The following TMEM187 variants were observed in gnomAD, a reference collection of about 807,000 sequenced individuals.
The protein encoded by TMEM187 is transmembrane protein 187.
A neutral mutation model predicts 11.8 loss-of-function variants in TMEM187; 14 were observed. That is an observed-to-expected ratio of 1.18 (90% CI 0.78 to 1.85). The LOEUF is 1.85. Ranked by LOEUF, TMEM187 falls within the 40% of genes most tolerant of loss-of-function variation. The pLI is 0.00. For synonymous variants in TMEM187, 112 were observed against 118.5 expected (o/e 0.95, Z 0.36); for missense variants, 227 against 243.9 (o/e 0.93, Z 0.46).
chrX:153,982,122 C>A lies in TMEM187; in HGVS notation c.60C>A (p.Ala20=). 3 of 1,212,442 alleles carry A rather than the reference C, an allele frequency of 2.5e-6. No individual in the cohort carries two copies. Among genetic ancestry groups the A allele is most frequent in the East Asian group, 3.0e-5 (1 of 33,862 alleles). The part of the protein sequence containing the change: ...VHVAVAGGLC[A]VAVFTGIFDS... ...TGGCCGTGGCCGGTGGCCTCTGTGC[C>A]GTGGCTGTGTTCACGGGCATTTTCG... Residue 20 remains alanine (A), a synonymous_variant, in exon 2 of 2, where the codon GCC becomes GCA. Coordinates refer to ENST00000369982, the MANE Select transcript of TMEM187 (RefSeq NM_003492.3).
intron 1 of TMEM187, chrX:153,981,027 C>T (rs1470044069): frequency 9.1e-6 from 1 of 109,719 alleles, no homozygotes; most frequent in Non-Finnish European, 1.9e-5. Context: ...CATCAGCTGA[C>T]CAGGAACTGG....
chrX:153,973,684 A>AACACACAC (rs3055213), intron 1 of TMEM187, among the ~76,000 whole-genome samples: 166 of 106,168 alleles, frequency 1.6e-3, no homozygotes, highest in African/African-American at 5.4e-3. Context: ...CTGTCTCAAA[A>AACACACAC]ACACACACAC....
Position 153,981,921 on chromosome X carries a change from C to T in TMEM187, c.-142C>T, listed in dbSNP as rs2065603719. On this transcript the variant is annotated 5_prime_UTR_variant, in exon 2 of 2. Transcript: ENST00000369982. ...CTCCTGCCTTCCTTCGGGGCAAGGT[C>T]GCAGCATCTGCCTCGGAAATCACGA... The T allele has an allele frequency of 1.9e-5, 20 of 1,074,163 alleles. No homozygotes were observed. The South Asian group carries it at 2.4e-4, about 13-fold the overall frequency. 88.5% of individuals were successfully genotyped at this position (1,074,163 alleles called of 1,213,427 possible). A position where few individuals can be genotyped will look rare whatever the true frequency, so the allele number is the denominator to read the frequency against.
chrX:153,979,894 G>A (rs782455275), intron 1 of TMEM187, among the ~76,000 whole-genome samples: 6 of 105,910 alleles, frequency 5.7e-5, no homozygotes, highest in South Asian at 9.3e-4. Flanking sequence ...CCACCACCAC[G>A]CCTGGCTATT....
At chrX:153,979,067 C>T (rs1361045288) in intron 1 of TMEM187, among the ~76,000 whole-genome samples, 4 of 111,914 alleles carry the variant, frequency 3.6e-5, no homozygotes, top group South Asian at 3.6e-4. Flanking sequence ...GGATTATAGG[C>T]GTGAGCCACC....
chrX:153,982,922 A>T lies in TMEM187; in HGVS notation c.*74A>T, dbSNP rs2065611804. The T allele has an allele frequency of 4.2e-6, 5 of 1,203,113 alleles. No individual in the cohort carries two copies. The East Asian group carries it at 1.5e-4, about 36-fold the overall frequency. On this transcript the variant is annotated 3_prime_UTR_variant, in exon 2 of 2. Transcript: ENST00000369982. ...GACTCTGAGATGGCAGCGTGGTGCC[A>T]GTGTCAGACATCCTGTGTGTGATGA...
At position 153,982,075 on chromosome X, in the gene TMEM187, T is replaced by TG; in HGVS notation, c.18dup (p.Gln7AlafsTer32). On this transcript the variant is annotated frameshift_variant, in exon 2 of 2. Transcript: ENST00000369982. LOFTEE classifies it high-confidence loss of function. ...CCGCCGGTTCCAGATGAATCCAGAG[T>TG]GGGGGCAGGCCTTCGTGCACGTGGC... 2.5e-6 allele frequency: 3 copies of TG among 1,212,096 alleles called. No homozygotes were observed. Among genetic ancestry groups the TG allele is most frequent in the Non-Finnish European group, 3.3e-6 (3 of 895,605 alleles).
intron 1 of TMEM187, 58 bp from the exon 2 acceptor site, chrX:153,981,792 T>C (rs1321420121): frequency 2.0e-5 from 9 of 444,579 alleles, no homozygotes; most frequent in African/African-American, 1.5e-4. Flanking sequence ...GTCAGGAACA[T>C]GGAGGCGGTG....
intron 1 of TMEM187, among the ~76,000 whole-genome samples, chrX:153,975,080 A>G (rs2065572405): frequency 8.9e-6 from 1 of 112,229 alleles, no homozygotes; most frequent in Admixed American, 9.4e-5. Flanking sequence ...AGTAGGGCAG[A>G]TGGACATTGC....
In TMEM187 at chrX:153,983,054, C is replaced by T; in HGVS notation, c.*206C>T. 1.4e-6 allele frequency: 1 copy of T among 711,670 alleles called. No individual in the cohort carries two copies. Among genetic ancestry groups the T allele is most frequent in the East Asian group, 3.5e-5 (1 of 28,243 alleles). The allele number at this position is 711,670 out of a possible 1,213,427, so 58.6% of individuals were successfully genotyped here. A position where few individuals can be genotyped will look rare whatever the true frequency, so the allele number is the denominator to read the frequency against. ...AACTTACTTTCAAAGACATAAAGCA[C>T]AGATCTCCGCACAGGGGATGTGTGT... is the stretch of plus-strand genomic sequence containing the variant. On this transcript the variant is annotated 3_prime_UTR_variant, in exon 2 of 2. Coordinates refer to ENST00000369982, the MANE Select transcript of TMEM187 (RefSeq NM_003492.3).
At chrX:153,974,445 C>T (rs782094875) in intron 1 of TMEM187, among the ~76,000 whole-genome samples, 10 of 112,325 alleles carry the variant, frequency 8.9e-5, no homozygotes, top group African/African-American at 1.6e-4. Flanking sequence ...AGGGCAATGG[C>T]CAGGCGAAGT....
chrX:153,976,252 C>T (rs1401996425), intron 1 of TMEM187, among the ~76,000 whole-genome samples: 3 of 112,153 alleles, frequency 2.7e-5, no homozygotes, highest in African/African-American at 9.7e-5. Context: ...AAACTGTTGG[C>T]GGGCGCGGTG....
chrX:153,982,150 A>G lies in TMEM187; in HGVS notation c.88A>G (p.Ser30Gly), dbSNP rs781915874. 67 of 1,211,436 alleles carry G rather than the reference A, an allele frequency of 5.5e-5. No individual in the cohort carries two copies. Among genetic ancestry groups the G allele is most frequent in the Non-Finnish European group, 7.5e-5 (67 of 895,491 alleles). Residue 30 changes from serine (S) to glycine (G), a missense_variant, in exon 2 of 2, where the codon AGT becomes GGT. Ser to Gly is a moderately conservative substitution (Grantham distance 56, BLOSUM62 0). Coordinates refer to ENST00000369982, the MANE Select transcript of TMEM187 (RefSeq NM_003492.3). ...AVAVFTGIFD[S>G]VSVQVGYEHY... Reference sequence around the variant, plus strand: ...GGCTGTGTTCACGGGCATTTTCGACAGTGTTTCCGTGCAAGTGGGCTATGA... The same window carrying G: ...GGCTGTGTTCACGGGCATTTTCGACGGTGTTTCCGTGCAAGTGGGCTATGA...
chrX:153,979,861 C>T (rs910485305), intron 1 of TMEM187, among the ~76,000 whole-genome samples: 7 of 105,071 alleles, frequency 6.7e-5, no homozygotes, highest in Admixed American at 3.1e-4. Context: ...CTCAGCCTCC[C>T]GAGTAGCTGG....
In TMEM187 at chrX:153,982,080, G is replaced by A. The variant is rs111253659; in HGVS notation, c.18G>A (p.Gly6=). ...GGTTCCAGATGAATCCAGAGTGGGG[G>A]CAGGCCTTCGTGCACGTGGCCGTGG... is the stretch of plus-strand genomic sequence containing the variant. The part of the protein sequence containing the change: MNPEW[G]QAFVHVAVAG... The change falls in exon 2 of 2, where the codon GGG becomes GGA. Residue 6 remains glycine (G), a synonymous_variant. Transcript: ENST00000369982. The A allele has an allele frequency of 6.6e-6, 8 of 1,211,783 alleles. No homozygotes were observed. The African/African-American group carries it at 1.0e-4, about 16-fold the overall frequency.
At chrX:153,980,918 CAAA>C (rs376302517) in intron 1 of TMEM187, among the ~76,000 whole-genome samples, 2 of 61,597 alleles carry the variant, frequency 3.2e-5, no homozygotes, top group Non-Finnish European at 3.2e-5. Flanking sequence ...GACTCCGTCT[CAAA>C]AAAAAAAAAA....
chrX:153,976,841 C>T (rs2065579190), intron 1 of TMEM187, among the ~76,000 whole-genome samples: 2 of 112,500 alleles, frequency 1.8e-5, no homozygotes, highest in Non-Finnish European at 1.9e-5. Flanking sequence ...GCCTGGGAGA[C>T]AGAACGAGAC....
At chrX:153,975,073 A>G (rs1557121252) in intron 1 of TMEM187, among the ~76,000 whole-genome samples, 1 of 112,324 alleles carries the variant, frequency 8.9e-6, no homozygotes, top group Admixed American at 9.4e-5. Flanking sequence ...AAATTGCAGT[A>G]GGGCAGATGG....
At chrX:153,973,254 C>T (rs1200772701) in intron 1 of TMEM187, among the ~76,000 whole-genome samples, 5 of 112,551 alleles carry the variant, frequency 4.4e-5, no homozygotes, top group South Asian at 3.6e-4. Context: ...TTTAAAGTCG[C>T]CTCTCAACAT....
Sources: gnomAD v4.1 joint callset for allele counts (sites outside exome capture counted in the v4.1 genomes callset) on GRCh38, gnomAD v4.1.1 for gene constraint, MANE v1.5 for transcripts, NCBI Gene and HGNC (gene_info 2026-07-23, HGNC 2026-07-21) for gene names.